The following VTA1 variants were observed in gnomAD, a reference collection of about 807,000 sequenced individuals.
The protein encoded by VTA1 is vacuolar protein sorting-associated protein VTA1 homolog.
In VTA1, 24 loss-of-function variants were observed where a neutral mutation model predicts 36.9. The ratio of observed to expected loss-of-function variants is 0.65; its 90% CI spans 0.47 to 0.91. The LOEUF (loss-of-function observed/expected upper bound fraction) is 0.91, where lower values mean the gene tolerates loss of function less well. Ranked by LOEUF, VTA1 falls within the 40% of genes least tolerant of loss-of-function variation. VTA1 has a pLI of 0.00. For synonymous variants in VTA1, 142 were observed against 130.2 expected, an observed-to-expected ratio of 1.09 and a Z score of -0.62; for missense variants, 393 against 377.2, an observed-to-expected ratio of 1.04 and a Z score of -0.35.
chr6:142,187,184 G>A (rs1469792021), intron 4 of VTA1, among the ~76,000 whole-genome samples: 1 of 152,068 alleles, frequency 6.6e-6, no homozygotes, highest in Middle Eastern at 3.2e-3. Flanking sequence ...CTCTGTCCTA[G>A]GACAGAGTAT....
At chr6:142,177,967 T>C (rs1457291920) in intron 4 of VTA1, among the ~76,000 whole-genome samples, 2 of 152,152 alleles carry the variant, frequency 1.3e-5, no homozygotes, top group Non-Finnish European at 2.9e-5. Context: ...GAGTCTAACA[T>C]GTACATTTGG....
intron 7 of VTA1, among the ~76,000 whole-genome samples, 165 bp downstream of exon 7, chr6:142,204,230 C>G (rs1775743457): frequency 6.6e-6 from 1 of 152,148 alleles, no homozygotes; most frequent in Non-Finnish European, 1.5e-5. Flanking sequence ...ACTAGATTCT[C>G]AAATGAGCCA....
intron 7 of VTA1, among the ~76,000 whole-genome samples, chr6:142,216,751 T>G (rs924199337): frequency 4.6e-5 from 7 of 152,182 alleles, no homozygotes; most frequent in Non-Finnish European, 8.8e-5. Flanking sequence ...TTTACCTTAT[T>G]AATAAGTGAT....
intron 7 of VTA1, 146 bp downstream of exon 7, chr6:142,204,211 CT>C: frequency 1.5e-6 from 1 of 686,774 alleles, no homozygotes; most frequent in Non-Finnish European, 2.5e-6. Context: ...TCCTTGAATG[CT>C]TATGTTCACT....
chr6:142,152,229 C>A (rs1373794131), intron 1 of VTA1, among the ~76,000 whole-genome samples: 1 of 151,592 alleles, frequency 6.6e-6, no homozygotes, highest in Non-Finnish European at 1.5e-5. Context: ...TTTATAATAT[C>A]TTTTTGCATA....
rs1188001269 is a variant in VTA1, at chr6:142,218,850, C to G, written c.*207C>G. On this transcript the variant is annotated 3_prime_UTR_variant, in exon 8 of 8. Coordinates refer to ENST00000367630, the MANE Select transcript of VTA1 (RefSeq NM_016485.5). ...GTCCATTTACTAGATTCAATCGTCT[C>G]TGAGTATATAGGGCTGATGTTAGCA... 2 of 524,590 alleles carry G rather than the reference C, an allele frequency of 3.8e-6. No individual in the cohort carries two copies. Among genetic ancestry groups the G allele is most frequent in the African/African-American group, 2.0e-5 (1 of 50,286 alleles). The allele number at this position is 524,590 out of a possible 1,614,324, so 32.5% of individuals were successfully genotyped here. A position where few individuals can be genotyped will look rare whatever the true frequency, so the allele number is the denominator to read the frequency against.
intron 4 of VTA1, among the ~76,000 whole-genome samples, chr6:142,179,507 G>C (rs935997669): frequency 1.3e-5 from 2 of 151,932 alleles, no homozygotes; most frequent in Non-Finnish European, 2.9e-5. Context: ...ACACATTGGG[G>C]TATTAGATAC....
At chr6:142,217,417 T>C (rs543565466) in intron 7 of VTA1, among the ~76,000 whole-genome samples, 1 of 152,198 alleles carries the variant, frequency 6.6e-6, no homozygotes, top group Admixed American at 6.5e-5. Context: ...ATCAATTGTT[T>C]CAGTACTCTT....
intron 5 of VTA1, among the ~76,000 whole-genome samples, chr6:142,190,643 T>C (rs1018360038): frequency 6.6e-6 from 1 of 152,236 alleles, no homozygotes; most frequent in African/African-American, 2.4e-5. Context: ...ACCACTGTTC[T>C]TGGAACTGAG....
intron 7 of VTA1, among the ~76,000 whole-genome samples, chr6:142,210,252 A>C (rs1775876413): frequency 6.6e-6 from 1 of 152,224 alleles, no homozygotes; most frequent in African/African-American, 2.4e-5. Context: ...CTCTCATCCT[A>C]CACAAAAATC....
At chr6:142,217,568 A>G (rs1293533930) in intron 7 of VTA1, among the ~76,000 whole-genome samples, 1 of 151,530 alleles carries the variant, frequency 6.6e-6, no homozygotes, top group Non-Finnish European at 1.5e-5. Context: ...GTATACACAC[A>G]CGCAGCATAA....
chr6:142,147,435 C>A, intron 1 of VTA1, 36 bp downstream of exon 1: 4 of 1,595,258 alleles, frequency 2.5e-6, no homozygotes, highest in Non-Finnish European at 3.4e-6. Context: ...CTTTCTTTCC[C>A]AGTTGCATTT....
intron 5 of VTA1, among the ~76,000 whole-genome samples, chr6:142,196,639 T>G (rs1775557377): frequency 6.6e-6 from 1 of 152,200 alleles, no homozygotes; most frequent in Admixed American, 6.5e-5. Context: ...ATGTTTTACT[T>G]TGTGGCCTTG....
intron 5 of VTA1, among the ~76,000 whole-genome samples, chr6:142,194,790 G>GT (rs776050060): frequency 9.9e-5 from 15 of 151,938 alleles, no homozygotes; most frequent in Non-Finnish European, 1.8e-4. Flanking sequence ...GTTTTGTTTT[G>GT]TTTTTTGCCC....
intron 4 of VTA1, among the ~76,000 whole-genome samples, chr6:142,178,849 TC>T (rs1322183621): frequency 6.6e-6 from 1 of 152,030 alleles, no homozygotes; most frequent in African/African-American, 2.4e-5. Flanking sequence ...GTATACTGTT[TC>T]TAAGAGATAC....
chr6:142,150,506 C>T (rs572696510), intron 1 of VTA1, among the ~76,000 whole-genome samples: 8 of 152,276 alleles, frequency 5.3e-5, no homozygotes, highest in Admixed American at 2.6e-4. Flanking sequence ...CATACTCTCA[C>T]GCATCCTGAG....
At chr6:142,162,402 C>T (rs1232214021) in intron 1 of VTA1, among the ~76,000 whole-genome samples, 1 of 152,124 alleles carries the variant, frequency 6.6e-6, no homozygotes, top group Non-Finnish European at 1.5e-5. Context: ...GAGAGAAAGA[C>T]CTGTGGGGAG....
At chr6:142,163,162 A>G (rs573989427) in intron 1 of VTA1, among the ~76,000 whole-genome samples, 1 of 152,300 alleles carries the variant, frequency 6.6e-6, no homozygotes, top group African/African-American at 2.4e-5. Context: ...CTATGTTAGT[A>G]CACCAATTCC....
intron 4 of VTA1, among the ~76,000 whole-genome samples, chr6:142,187,029 T>A (rs1368220627): frequency 1.3e-5 from 2 of 152,174 alleles, no homozygotes; most frequent in East Asian, 3.8e-4. Flanking sequence ...TATTACTAAA[T>A]AAATCTGGGC....
Sources: allele counts gnomAD v4.1 joint callset (sites outside exome capture counted in the v4.1 genomes callset), GRCh38; gene constraint gnomAD v4.1.1; transcripts MANE v1.5; gene names NCBI Gene and HGNC (gene_info 2026-07-23, HGNC 2026-07-21).